FGF17: variants seen among roughly 807,000 people sequenced by gnomAD.
FGF17 encodes the protein fibroblast growth factor 17.
FGF17 carries 5 observed loss-of-function variants against 23.5 expected under a neutral mutation model. The ratio of observed to expected loss-of-function variants is 0.21; its 90% CI spans 0.11 to 0.45. The LOEUF (loss-of-function observed/expected upper bound fraction) is 0.45. Among genes scored for constraint, FGF17 ranks in the 20% least tolerant of loss-of-function variants. The probability of loss-of-function intolerance (pLI) is 0.99; values close to 1 mark genes in which losing one functional copy is unlikely to be tolerated. For synonymous variants in FGF17, 136 were observed against 123.0 expected (o/e 1.11, Z -0.70); for missense variants, 221 against 306.9 (o/e 0.72, Z 2.09).
upstream of FGF17, chr8:22,042,337 C>A (rs1012682614): frequency 5.3e-4 from 86 of 160,866 alleles, no homozygotes; most frequent in Non-Finnish European, 1.1e-3. Flanking sequence ...CCACCCCTGC[C>A]CCCTGGAGGG....
rs559864547 is a variant in FGF17 at position 22,042,826 on chromosome 8, C to T, written c.-103C>T. 42 of 1,242,670 alleles carry T rather than the reference C, an allele frequency of 3.4e-5. No individual in the cohort carries two copies. Among genetic ancestry groups the T allele is most frequent in the African/African-American group, 1.6e-4 (11 of 67,572 alleles). 77.0% of individuals were successfully genotyped at this position (1,242,670 alleles called of 1,614,324 possible). A position where few individuals can be genotyped will look rare whatever the true frequency, so the allele number is the denominator to read the frequency against. On this transcript the variant is annotated 5_prime_UTR_variant, in exon 1 of 5. Transcript: ENST00000359441. Reference sequence around the variant, plus strand: ...CTCGCCCCCCTGAAAACCTGTGGCTCGGAGAGACCTTGGCTTCTCTGGGAC... The same window carrying T: ...CTCGCCCCCCTGAAAACCTGTGGCTTGGAGAGACCTTGGCTTCTCTGGGAC...
At chr8:22,044,968 T>C in intron 2 of FGF17, 1 of 985,782 alleles carries the variant, frequency 1.0e-6, no homozygotes, top group Non-Finnish European at 1.2e-6. Flanking sequence ...TGAGAAAAGC[T>C]GTCCCAGCAC....
chr8:22,047,844 G>A (rs977969873), intron 4 of FGF17, 112 bp from the exon 5 acceptor site: 4 of 1,060,286 alleles, frequency 3.8e-6, no homozygotes, highest in Non-Finnish European at 4.1e-6. Flanking sequence ...CTGGGCTCAC[G>A]GCCCCGTTGT....
chr8:22,046,950 A>ATTTTTT lies in FGF17; in HGVS notation c.357+329_357+334dup, dbSNP rs3038873. On this transcript the variant is annotated intron_variant, in intron 4 of 4. Transcript: ENST00000359441. ...AGGTGCATGCCACCATGCCCAGCTA[A>ATTTTTT]TTTTTTTTTTTTTTTTTGTAGAGAT... Among the ~76,000 whole-genome samples, 595 of 120,546 alleles carry ATTTTTT rather than the reference A, an allele frequency of 4.9e-3. 23 individuals carry two copies. The highest frequency in any genetic ancestry group is 0.019 in the East Asian group (76 of 3,898). 79.1% of individuals were successfully genotyped at this position (120,546 alleles called of 152,430 possible). A position where few individuals can be genotyped will look rare whatever the true frequency, so the allele number is the denominator to read the frequency against.
chr8:22,042,421 A>G (rs1336208137), upstream of FGF17: 1 of 171,768 alleles, frequency 5.8e-6, no homozygotes, highest in Non-Finnish European at 1.2e-5. Context: ...GCCCCACTTG[A>G]CACCTGCGGC....
At chr8:22,040,302 G>A (rs1255805112), upstream of FGF17, among the ~76,000 whole-genome samples, 1 of 152,262 alleles carries the variant, frequency 6.6e-6, no homozygotes, top group Non-Finnish European at 1.5e-5. Flanking sequence ...GAGAAGTGAA[G>A]GGACTTGCCA....
At chr8:22,043,070 G>T in intron 1 of FGF17, 75 bp from the exon 2 acceptor site, 1 of 1,599,900 alleles carries the variant, frequency 6.3e-7, no homozygotes. Context: ...CTGGCAGGGC[G>T]GGGGCGGGGG....
chr8:22,039,737 A>G (rs906155987), upstream of FGF17, among the ~76,000 whole-genome samples: 16 of 152,094 alleles, frequency 1.1e-4, no homozygotes, highest in Admixed American at 7.2e-4. Flanking sequence ...TCAAAAAAGA[A>G]AAATTTGCAA....
Position 22,048,035 on chromosome 8 carries a change from A to T in FGF17, c.437A>T (p.His146Leu). The change falls in exon 5 of 5, where the codon CAC (histidine) becomes CTC (leucine). Residue 146 changes from histidine to leucine, a missense_variant. His to Leu is a moderately conservative substitution (Grantham distance 99). Coordinates refer to ENST00000359441, the MANE Select transcript of FGF17 (RefSeq NM_003867.4). This position sits in a 1 kb window ranked among gnomAD's most constrained non-coding sequence, Gnocchi z 6.9. ...NNYTAFQNAR[H>L]EGWFMAFTRQ... ...TATACGGCCTTCCAGAACGCCCGGC[A>T]CGAGGGCTGGTTCATGGCCTTCACG... The T allele has an allele frequency of 6.2e-7, 1 of 1,613,194 alleles. No individual in the cohort carries two copies. The highest frequency in any genetic ancestry group is 8.5e-7 in the Non-Finnish European group (1 of 1,179,592).
chr8:22,040,310 C>A (rs1318372318), upstream of FGF17, among the ~76,000 whole-genome samples: 1 of 152,226 alleles, frequency 6.6e-6, no homozygotes, highest in Non-Finnish European at 1.5e-5. Context: ...AAGGGACTTG[C>A]CACAGGTCAC....
chr8:22,043,070 G>C (rs376346391), intron 1 of FGF17, 75 bp from the exon 2 acceptor site: 2 of 1,599,786 alleles, frequency 1.3e-6, no homozygotes, highest in Admixed American at 3.4e-5. Context: ...CTGGCAGGGC[G>C]GGGGCGGGGG....
Position 22,043,192 on chromosome 8 carries a change from A to G in FGF17, c.72+11A>G. 6.2e-7 allele frequency: 1 copy of G among 1,613,080 alleles called. No homozygotes were observed. The highest frequency in any genetic ancestry group is 8.5e-7 in the Non-Finnish European group (1 of 1,179,932). On this transcript the variant is annotated intron_variant, in intron 2 of 4. Transcript: ENST00000359441. ...TGCTGTCAAACTCAGGTAGGCGGGCATTCCCACCGGCTTTCCCCCAATTTT... is the reference window on the plus strand; with the variant it reads ...TGCTGTCAAACTCAGGTAGGCGGGCGTTCCCACCGGCTTTCCCCCAATTTT...
intron 1 of FGF17, 53 bp downstream of exon 1, chr8:22,043,016 G>T: frequency 6.2e-7 from 1 of 1,606,488 alleles, no homozygotes; most frequent in Non-Finnish European, 8.5e-7. Context: ...CAGCCTCAGG[G>T]CAGCCCTCCT....
chr8:22,045,570 C>A (rs914514639), intron 2 of FGF17: 1 of 998,800 alleles, frequency 1.0e-6, no homozygotes, highest in Non-Finnish European at 1.2e-6. Context: ...CTTTCAGAGT[C>A]CCCCACATGC....
chr8:22,042,753 C>G, upstream of FGF17: 2 of 633,706 alleles, frequency 3.2e-6, no homozygotes, highest in South Asian at 3.7e-5. Flanking sequence ...CCTCCTCCTC[C>G]CCCTCCTCCT....
At position 22,048,413 on chromosome 8, in the gene FGF17, C is replaced by T. The variant is rs1386843986; in HGVS notation, c.*164C>T. 4 of 669,730 alleles carry T rather than the reference C, an allele frequency of 6.0e-6. No individual in the cohort carries two copies. Among genetic ancestry groups the T allele is most frequent in the Non-Finnish European group, 1.0e-5 (4 of 401,626 alleles). 41.5% of individuals were successfully genotyped at this position (669,730 alleles called of 1,614,324 possible). ...CCAGCTGGGAAGGGGCAGGCCGGTG[C>T]CCCAGGGGCGGCTGGCACAGTGCCC... On this transcript the variant is annotated 3_prime_UTR_variant, in exon 5 of 5. Coordinates refer to ENST00000359441, the MANE Select transcript of FGF17 (RefSeq NM_003867.4). The surrounding 1 kb of genome is among the most constrained non-coding windows in gnomAD (Gnocchi z 6.9).
Position 22,042,845 on chromosome 8 carries a change from C to T in FGF17, c.-84C>T. On this transcript the variant is annotated 5_prime_UTR_variant, in exon 1 of 5. Coordinates refer to ENST00000359441, the MANE Select transcript of FGF17 (RefSeq NM_003867.4). ...GTGGCTCGGAGAGACCTTGGCTTCT[C>T]TGGGACTCTACCCCTGGGGACTTCC... The T allele has an allele frequency of 6.8e-7, 1 of 1,469,454 alleles. No individual in the cohort carries two copies. Among genetic ancestry groups the T allele is most frequent in the Middle Eastern group, 1.7e-4 (1 of 5,834 alleles). The allele number at this position is 1,469,454 out of a possible 1,614,324, so 91.0% of individuals were successfully genotyped here.
At position 22,048,194 on chromosome 8, in the gene FGF17, G is replaced by C; in HGVS notation, c.596G>C (p.Gly199Ala). The C allele has an allele frequency of 6.2e-7, 1 of 1,612,012 alleles. No individual in the cohort carries two copies. The highest frequency in any genetic ancestry group is 8.5e-7 in the Non-Finnish European group (1 of 1,179,536). ...AAGCAGAAGCAGTTCGAGTTTGTGG[G>C]CTCCGCCCCCACCCGCCGGACCAAG... ...AEKQKQFEFV[G>A]SAPTRRTKRT... Residue 199 changes from glycine to alanine, a missense_variant, in exon 5 of 5, where the codon GGC (glycine) becomes GCC (alanine). Physicochemically the swap from Gly to Ala is moderately conservative, Grantham distance 60. Around this residue, in one of 3 missense-constraint regions of FGF17, gnomAD observed 128 missense variants for 150.4 expected, o/e 0.85. Coordinates refer to ENST00000359441, the MANE Select transcript of FGF17 (RefSeq NM_003867.4). This position sits in a 1 kb window ranked among gnomAD's most constrained non-coding sequence, Gnocchi z 6.9.
chr8:22,042,089 A>G (rs1015985317), upstream of FGF17, among the ~76,000 whole-genome samples: 14 of 152,218 alleles, frequency 9.2e-5, no homozygotes, highest in African/African-American at 3.4e-4. Context: ...TACTGTCCTC[A>G]TTTCTCAGAT....
Sources: gnomAD v4.1 joint callset for allele counts (sites outside exome capture counted in the v4.1 genomes callset) on GRCh38, gnomAD v4.1.1 for gene constraint, gnomAD v4.1.1 regional missense constraint, Gnocchi (gnomAD v3.1) non-coding constraint, MANE v1.5 for transcripts, NCBI Gene and HGNC (gene_info 2026-07-23, HGNC 2026-07-21) for gene names.